ARHGAP25: variants seen among roughly 807,000 people sequenced by gnomAD.
The protein encoded by ARHGAP25 is rho GTPase-activating protein 25.
ARHGAP25 carries 34 observed loss-of-function variants against 71.0 expected under a neutral mutation model. The observed-to-expected ratio is 0.48, with a 90% CI of 0.36 to 0.64. The LOEUF is 0.64. ARHGAP25 is among the 30% of genes least tolerant of loss of function. The pLI is 0.00. For missense variants in ARHGAP25, 706 were observed against 805.1 expected (o/e 0.88, Z 1.49); for synonymous variants, 282 against 296.5 (o/e 0.95, Z 0.50).
intron 1 of ARHGAP25, among the ~76,000 whole-genome samples, chr2:68,743,329 A>ACAAGTGGGTTACGGCATTGC (rs74743599): frequency 6.6e-6 from 1 of 151,946 alleles, no homozygotes; most frequent in Non-Finnish European, 1.5e-5. Context: ...GATCACTTAC[A>ACAAGTGGGTTACGGCATTGC]TGTGGGTTAC....
chr2:68,732,162 G>A (rs1362312325), upstream of ARHGAP25, among the ~76,000 whole-genome samples: 1 of 152,192 alleles, frequency 6.6e-6, no homozygotes, highest in East Asian at 1.9e-4. Flanking sequence ...TTGACTGACC[G>A]AGAGAGAGCT....
intron 4 of ARHGAP25, among the ~76,000 whole-genome samples, chr2:68,792,975 G>A (rs771491525): frequency 6.6e-6 from 1 of 152,078 alleles, no homozygotes. Flanking sequence ...TCAGAGTGGC[G>A]TAAGGTGCGA....
intron 9 of ARHGAP25, among the ~76,000 whole-genome samples, chr2:68,821,194 A>T (rs57764132): frequency 0.024 from 3,408 of 140,644 alleles, 103 homozygotes; most frequent in South Asian, 0.11. Flanking sequence ...CCTCCTGCTG[A>T]GGCAATCCTT....
chr2:68,772,508 G>A (rs112899147), intron 1 of ARHGAP25, among the ~76,000 whole-genome samples: 5,622 of 152,320 alleles, frequency 0.037, 144 homozygotes, highest in Admixed American at 0.071. Flanking sequence ...GAATGCCTCT[G>A]CATCTGCTGG....
chr2:68,741,967 A>G, intron 1 of ARHGAP25, among the ~76,000 whole-genome samples: 1 of 152,210 alleles, frequency 6.6e-6, no homozygotes, highest in South Asian at 2.1e-4. Flanking sequence ...GTACTTAAGC[A>G]GCATTGCCCT....
chr2:68,763,453 G>A (rs184609983), intron 1 of ARHGAP25, among the ~76,000 whole-genome samples: 5 of 152,254 alleles, frequency 3.3e-5, no homozygotes, highest in Admixed American at 1.3e-4. Flanking sequence ...AATACAGAGC[G>A]TTCCTTCAAT....
At chr2:68,799,506 C>G (rs560817530) in intron 4 of ARHGAP25, among the ~76,000 whole-genome samples, 2 of 152,142 alleles carry the variant, frequency 1.3e-5, no homozygotes, top group African/African-American at 2.4e-5. Flanking sequence ...GCTTCATAAA[C>G]GCTAAGTGAA....
intron 1 of ARHGAP25, among the ~76,000 whole-genome samples, chr2:68,765,591 C>A (rs752619031): frequency 6.6e-6 from 1 of 152,156 alleles, no homozygotes; most frequent in Non-Finnish European, 1.5e-5. Context: ...AAATCCCAGA[C>A]ACATTTTCCC....
At position 68,811,523 on chromosome 2, in the gene ARHGAP25, A is replaced by G. The variant is rs963235032; in HGVS notation, c.675-1764A>G. ...GTGACTCAGCAGGGAAGGATTTTCCAGAATCCCCATGTTAAATGAATGGTT... is the reference window on the plus strand; with the variant it reads ...GTGACTCAGCAGGGAAGGATTTTCCGGAATCCCCATGTTAAATGAATGGTT... On this transcript the variant is annotated intron_variant, in intron 5 of 10. Coordinates refer to ENST00000409202, the MANE Select transcript of ARHGAP25 (RefSeq NM_001007231.3). Among the ~76,000 whole-genome samples the G allele has an allele frequency of 3.3e-5, 5 of 152,214 alleles. 1 individual carries two copies. The highest frequency in any genetic ancestry group is 1.2e-4 in the African/African-American group (5 of 41,458).
chr2:68,716,243 G>C (rs1459503047), intron 2 of ARHGAP25, among the ~76,000 whole-genome samples: 1 of 152,204 alleles, frequency 6.6e-6, no homozygotes, highest in African/African-American at 2.4e-5. Flanking sequence ...GAATGGGAAG[G>C]CCCAGATTGT....
intron 6 of ARHGAP25, among the ~76,000 whole-genome samples, chr2:68,814,353 C>T (rs1206422132): frequency 6.6e-6 from 1 of 152,204 alleles, no homozygotes; most frequent in African/African-American, 2.4e-5. Context: ...CCACACATGG[C>T]TATTGGGCAT....
chr2:68,811,545 G>C (rs1680817649), intron 5 of ARHGAP25, among the ~76,000 whole-genome samples: 1 of 152,158 alleles, frequency 6.6e-6, no homozygotes, highest in African/African-American at 2.4e-5. Flanking sequence ...TTAAATGAAT[G>C]GTTCCTACCC....
chr2:68,785,101 T>A (rs1473323386), intron 3 of ARHGAP25, among the ~76,000 whole-genome samples: 1 of 152,032 alleles, frequency 6.6e-6, no homozygotes, highest in Non-Finnish European at 1.5e-5. Context: ...GTGGTTACAG[T>A]GAAGTGATGG....
chr2:68,738,298 A>G (rs1181405098), intron 1 of ARHGAP25, among the ~76,000 whole-genome samples: 1 of 152,168 alleles, frequency 6.6e-6, no homozygotes, highest in Non-Finnish European at 1.5e-5. Flanking sequence ...GCTTTCTTGA[A>G]AGAGTTACAT....
chr2:68,797,645 C>T (rs565709522), intron 4 of ARHGAP25, among the ~76,000 whole-genome samples: 1 of 152,316 alleles, frequency 6.6e-6, no homozygotes, highest in South Asian at 2.1e-4. Flanking sequence ...CCTGCAAGCA[C>T]CACCCAAGTT....
At chr2:68,793,279 A>C (rs927740123) in intron 4 of ARHGAP25, among the ~76,000 whole-genome samples, 8 of 152,056 alleles carry the variant, frequency 5.3e-5, no homozygotes, top group African/African-American at 1.7e-4. Flanking sequence ...AGCTTAATTA[A>C]GTCCTATTTG....
At chr2:68,733,892 A>T (rs368789716), upstream of ARHGAP25, among the ~76,000 whole-genome samples, 1 of 152,210 alleles carries the variant, frequency 6.6e-6, no homozygotes, top group Non-Finnish European at 1.5e-5. Flanking sequence ...ACAACAGCCT[A>T]TGAAGTAAGC....
intron 4 of ARHGAP25, among the ~76,000 whole-genome samples, chr2:68,790,803 CA>C (rs1246562719): frequency 1.3e-5 from 2 of 152,322 alleles, no homozygotes; most frequent in East Asian, 3.9e-4. Context: ...CCTGTCTTAT[CA>C]AGATTCTTCT....
intron 4 of ARHGAP25, among the ~76,000 whole-genome samples, chr2:68,789,760 C>T: frequency 6.6e-6 from 1 of 152,110 alleles, no homozygotes; most frequent in East Asian, 1.9e-4. Context: ...TCACTAGGTT[C>T]TGTGGCTACT....
Sources: allele counts gnomAD v4.1 joint callset (sites outside exome capture counted in the v4.1 genomes callset), GRCh38; gene constraint gnomAD v4.1.1; transcripts MANE v1.5; gene names NCBI Gene and HGNC (gene_info 2026-07-23, HGNC 2026-07-21).